EHD1: variants seen among roughly 807,000 people sequenced by gnomAD.
EHD1 encodes EH domain containing 1.
Under a neutral mutation model 39.0 loss-of-function variants are expected in EHD1, and 19 were observed. That is an observed-to-expected ratio of 0.49 (90% CI 0.34 to 0.72). EHD1 has a LOEUF of 0.72. Ranked by LOEUF, EHD1 falls within the 30% of genes least tolerant of loss-of-function variation. The pLI is 0.01. For missense variants in EHD1, 542 were observed against 751.5 expected (o/e 0.72, Z 3.26); for synonymous variants, 323 against 331.2 (o/e 0.98, Z 0.27).
intron 2 of EHD1, 52 bp downstream of exon 2, chr11:64,874,369 A>G: frequency 3.4e-6 from 5 of 1,488,594 alleles, no homozygotes; most frequent in Non-Finnish European, 4.6e-6. Context: ...GATCTTAGAG[A>G]GAAGGATGTG....
chr11:64,859,724 G>A (rs1403528725), intron 3 of EHD1, 200 bp downstream of exon 3: 1 of 716,568 alleles, frequency 1.4e-6, no homozygotes, highest in African/African-American at 1.8e-5. Flanking sequence ...AGGGAGGCCG[G>A]GTAGAGAATC....
chr11:64,859,797 C>T (rs935007544), intron 3 of EHD1, 127 bp downstream of exon 3: 66 of 1,302,968 alleles, frequency 5.1e-5, no homozygotes, highest in Non-Finnish European at 6.5e-5. Flanking sequence ...AGGGAAACAG[C>T]GCAGTGCAGG....
At position 64,868,888 on chromosome 11, in the gene EHD1, C is replaced by T. The variant is rs763817857; in HGVS notation, c.502+5533G>A. 6.6e-6 allele frequency among the ~76,000 whole-genome samples: 1 copy of T among 152,184 alleles called. No homozygotes were observed. The highest frequency in any genetic ancestry group is 1.5e-5 in the Non-Finnish European group (1 of 68,012). On this transcript the variant is annotated intron_variant, in intron 2 of 4. Coordinates refer to ENST00000320631, the MANE Select transcript of EHD1 (RefSeq NM_006795.4). This position sits in a 1 kb window ranked among gnomAD's most constrained non-coding sequence, Gnocchi z 4.2. The stretch of plus-strand genomic sequence containing the variant: ...CCATCCTGAACCTTCTACTCAACAA[C>T]GAGCTGTGTGACCCAGCAGGTCTCT...
chr11:64,853,640 A>C lies in EHD1; in HGVS notation c.*693T>G, dbSNP rs1943608223. 6.5e-6 allele frequency: 1 copy of C among 153,492 alleles called. No individual in the cohort carries two copies. The highest frequency in any genetic ancestry group is 6.5e-5 in the Admixed American group (1 of 15,408). 9.5% of individuals were successfully genotyped at this position (153,492 alleles called of 1,614,324 possible). A position where few individuals can be genotyped will look rare whatever the true frequency, so the allele number is the denominator to read the frequency against. On this transcript the variant is annotated 3_prime_UTR_variant, in exon 5 of 5. Transcript: ENST00000320631. ...AAAGATATCACTTTACAGAACAGAA[A>C]CTAGCTTATGTATTTTTCTGGAAGA...
chr11:64,874,223 G>A (rs1943860910), intron 2 of EHD1, among the ~76,000 whole-genome samples, 198 bp downstream of exon 2: 1 of 145,660 alleles, frequency 6.9e-6, no homozygotes, highest in Non-Finnish European at 1.5e-5. Context: ...AGAATCGCTT[G>A]AACCCAGGAG....
chr11:64,879,668 A>G, upstream of EHD1: 1 of 1,550,686 alleles, frequency 6.4e-7, no homozygotes, highest in Non-Finnish European at 8.7e-7. Flanking sequence ...GGCCACACAC[A>G]GACCCCTTTG....
In EHD1 at chr11:64,854,660, G is replaced by A. The variant is rs764122545; in HGVS notation, c.1278C>T (p.Tyr426=). 47 of 1,613,690 alleles carry A rather than the reference G, an allele frequency of 2.9e-5. No homozygotes were observed. Among genetic ancestry groups the A allele is most frequent in the East Asian group, 1.8e-4 (8 of 44,880 alleles). The change falls in exon 5 of 5, where the codon TAC becomes TAT. Residue 426 remains tyrosine (Y), a synonymous_variant. Transcript: ENST00000320631. The stretch of plus-strand genomic sequence containing the variant: ...CGATGCCCTCGCCGGCCCCCTCGCC[G>A]TAGCCGTGCCCGAACGGCCCGTTCA... The part of the protein sequence containing the change: ...GTMNGPFGHG[Y]GEGAGEGIDD...
In EHD1 at chr11:64,860,078, A is replaced by C. The variant is rs758930905; in HGVS notation, c.761T>G (p.Ile254Ser). ...INTPEVVRVY[I>S]GSFWSHPLLI... Reference sequence around the variant, plus strand: ...GAGCGGGTGGGACCAGAAGGAGCCGATGTAGACCCTGACCACCTCGGGGGT... The same window carrying C: ...GAGCGGGTGGGACCAGAAGGAGCCGCTGTAGACCCTGACCACCTCGGGGGT... Residue 254 changes from isoleucine to serine, a missense_variant, in exon 3 of 5, where the codon ATC becomes AGC. By Grantham distance (142) the Ile-to-Ser change is moderately radical (BLOSUM62 -2). Coordinates refer to ENST00000320631, the MANE Select transcript of EHD1 (RefSeq NM_006795.4). 1 of 1,614,116 alleles carries C rather than the reference A, an allele frequency of 6.2e-7. No homozygotes were observed. The highest frequency in any genetic ancestry group is 8.5e-7 in the Non-Finnish European group (1 of 1,180,022).
chr11:64,878,605 A>C lies in EHD1; in HGVS notation c.-141T>G, dbSNP rs188277933. On this transcript the variant is annotated 5_prime_UTR_variant, in exon 1 of 5. Coordinates refer to ENST00000320631, the MANE Select transcript of EHD1 (RefSeq NM_006795.4). ...GCAGGCGCACAGCCCAGCCCGTCGA[A>C]GCGCCCTCTGCCGAATGCTGCGCAC... The C allele has an allele frequency of 3.3e-5, 47 of 1,422,758 alleles. No individual in the cohort carries two copies. The South Asian group carries it at 3.4e-4, about 10-fold the overall frequency. 88.1% of individuals were successfully genotyped at this position (1,422,758 alleles called of 1,614,324 possible).
intron 1 of EHD1, among the ~76,000 whole-genome samples, chr11:64,876,238 A>G (rs1943884252): frequency 6.6e-6 from 1 of 152,238 alleles, no homozygotes; most frequent in Non-Finnish European, 1.5e-5. Flanking sequence ...CGGCAAGTCA[A>G]GTTCACGACT....
chr11:64,877,855 G>C, intron 1 of EHD1: 1 of 444,796 alleles, frequency 2.2e-6, no homozygotes, highest in Non-Finnish European at 3.8e-6. Flanking sequence ...ACAGAAGCTG[G>C]GGGAGCCGAC....
At chr11:64,879,208 A>G (rs1943927208), upstream of EHD1, 1 of 1,092,272 alleles carries the variant, frequency 9.2e-7, no homozygotes, top group Non-Finnish European at 1.1e-6. Context: ...AAGCTGAGGG[A>G]GTAGAGAATC....
At chr11:64,859,623 T>TA (rs756616884) in intron 3 of EHD1, 3 of 354,990 alleles carry the variant, frequency 8.5e-6, no homozygotes, top group Non-Finnish European at 1.0e-5. Context: ...GCTTCAGCGG[T>TA]AACTTCCTGT....
chr11:64,869,827 G>A (rs1445586203), intron 2 of EHD1, among the ~76,000 whole-genome samples: 1 of 152,236 alleles, frequency 6.6e-6, no homozygotes, highest in Non-Finnish European at 1.5e-5. Context: ...CAGCCTGGGG[G>A]TGCTGCTGGC....
chr11:64,857,987 C>T (rs948427159), intron 3 of EHD1, among the ~76,000 whole-genome samples: 10 of 151,330 alleles, frequency 6.6e-5, no homozygotes, highest in African/African-American at 9.7e-5. Context: ...AGCCACGCTC[C>T]GGCCTGGCTG....
At chr11:64,867,084 T>C (rs892225476) in intron 2 of EHD1, among the ~76,000 whole-genome samples, 1 of 152,070 alleles carries the variant, frequency 6.6e-6, no homozygotes, top group African/African-American at 2.4e-5. Flanking sequence ...CACCTACAAA[T>C]AGTTAAAATC....
chr11:64,858,764 C>T (rs139949915), intron 3 of EHD1, among the ~76,000 whole-genome samples: 1,748 of 152,342 alleles, frequency 0.011, 17 homozygotes, highest in Non-Finnish European at 0.02. Flanking sequence ...TGGCATTAAC[C>T]TTTGTTTCCT....
At chr11:64,858,329 G>A (rs1408793203) in intron 3 of EHD1, among the ~76,000 whole-genome samples, 1 of 151,740 alleles carries the variant, frequency 6.6e-6, no homozygotes, top group Non-Finnish European at 1.5e-5. Flanking sequence ...TTACAGGCAC[G>A]CACCACCACG....
chr11:64,855,768 T>C (rs1204700299), intron 3 of EHD1: 1 of 444,224 alleles, frequency 2.3e-6, no homozygotes, highest in Non-Finnish European at 4.1e-6. Flanking sequence ...CACGGATCAT[T>C]GTGATGATTC....
Sources: gnomAD v4.1 joint callset for allele counts (sites outside exome capture counted in the v4.1 genomes callset) on GRCh38, gnomAD v4.1.1 for gene constraint, Gnocchi (gnomAD v3.1) non-coding constraint, MANE v1.5 for transcripts, NCBI Gene and HGNC (gene_info 2026-07-23, HGNC 2026-07-21) for gene names.